CNOT4: variants seen among roughly 807,000 people sequenced by gnomAD.
The protein encoded by CNOT4 is CCR4-associated factor 4.
CNOT4 carries 8 observed loss-of-function variants against 73.8 expected under a neutral mutation model. The observed-to-expected ratio is 0.11, with a 90% CI of 0.06 to 0.20. The LOEUF is 0.20. CNOT4 is among the 10% of genes least tolerant of loss of function. The probability of loss-of-function intolerance (pLI) is 1.00; values close to 1 mark genes in which losing one functional copy is unlikely to be tolerated. For synonymous variants in CNOT4, 293 were observed against 321.1 expected, an observed-to-expected ratio of 0.91 and a Z score of 0.94; for missense variants, 564 against 883.4, an observed-to-expected ratio of 0.64 and a Z score of 4.58.
chr7:135,395,621 T>C lies in CNOT4; in HGVS notation c.1129+13A>G. The C allele has an allele frequency of 1.2e-6, 2 of 1,610,570 alleles. No homozygotes were observed. Among genetic ancestry groups the C allele is most frequent in the Non-Finnish European group, 1.7e-6 (2 of 1,177,596 alleles). ...GAGCATAATTACTAATACTTGGTAC[T>C]ATTGTTATATACCTGATGTGAAGAG... On this transcript the variant is annotated intron_variant, in intron 9 of 11. Transcript: ENST00000541284.
At chr7:135,481,357 G>A (rs1802368471) in intron 1 of CNOT4, among the ~76,000 whole-genome samples, 1 of 151,788 alleles carries the variant, frequency 6.6e-6, no homozygotes, top group African/African-American at 2.4e-5. Flanking sequence ...TAATCATCAG[G>A]GAAATACAAT....
At chr7:135,440,850 C>T (rs1470960356) in intron 1 of CNOT4, among the ~76,000 whole-genome samples, 2 of 150,090 alleles carry the variant, frequency 1.3e-5, no homozygotes, top group South Asian at 2.1e-4. Context: ...ACCCAGGAGG[C>T]GGAGGTGGCA....
intron 1 of CNOT4, among the ~76,000 whole-genome samples, chr7:135,502,525 T>C (rs544795756): frequency 3.9e-5 from 6 of 152,296 alleles, no homozygotes; most frequent in African/African-American, 1.2e-4. Context: ...GTTTGAAAAA[T>C]TGATTAAGGC....
rs555324750 is a variant in CNOT4, at chr7:135,434,116, C to G, written c.174+4042G>C. Among the ~76,000 whole-genome samples, 33 of 152,330 alleles carry G rather than the reference C, an allele frequency of 2.2e-4. No homozygotes were observed. The East Asian group carries it at 6.0e-3, about 28-fold the overall frequency. ...CAGATCATCTCAATATGCCACCTCA[C>G]AGCATGGCCTCTGTAGACCCTGTGC... On this transcript the variant is annotated intron_variant, in intron 2 of 11. Transcript: ENST00000541284.
chr7:135,388,023 A>T (rs529753017), intron 10 of CNOT4: 2 of 985,346 alleles, frequency 2.0e-6, no homozygotes, highest in African/African-American at 3.5e-5. Context: ...CTTTTCACAT[A>T]CAATGTTTAC....
At chr7:135,445,673 A>C (rs1271036279) in intron 1 of CNOT4, among the ~76,000 whole-genome samples, 2 of 152,208 alleles carry the variant, frequency 1.3e-5, no homozygotes, top group Non-Finnish European at 2.9e-5. Flanking sequence ...TTTTCGCACA[A>C]TGGGAATCTC....
intron 1 of CNOT4, among the ~76,000 whole-genome samples, chr7:135,495,017 C>A (rs1285467885): frequency 1.3e-5 from 2 of 152,208 alleles, no homozygotes; most frequent in Non-Finnish European, 2.9e-5. Context: ...ATTACATCCT[C>A]ACAATAGATC....
At chr7:135,431,410 G>A (rs1312227853) in intron 2 of CNOT4, among the ~76,000 whole-genome samples, 2 of 152,184 alleles carry the variant, frequency 1.3e-5, no homozygotes, top group African/African-American at 4.8e-5. Context: ...ACATTCAAAA[G>A]TGGTACATTA....
chr7:135,375,892 T>G (rs1399014394), intron 10 of CNOT4, among the ~76,000 whole-genome samples: 1 of 152,060 alleles, frequency 6.6e-6, no homozygotes, highest in Non-Finnish European at 1.5e-5. Flanking sequence ...GCCATTGCAC[T>G]CCAACCCAGG....
intron 1 of CNOT4, among the ~76,000 whole-genome samples, chr7:135,440,589 T>A (rs1393930501): frequency 6.6e-6 from 1 of 152,088 alleles, no homozygotes; most frequent in African/African-American, 2.4e-5. Context: ...GACACCAACA[T>A]AGCCAAGTGT....
intron 1 of CNOT4, among the ~76,000 whole-genome samples, chr7:135,472,884 C>T (rs114635904): frequency 6.6e-6 from 1 of 151,558 alleles, no homozygotes; most frequent in East Asian, 1.9e-4. Context: ...TATAAAAAAA[C>T]CAAAAGATTA....
At chr7:135,487,436 CCG>C (rs1802801836) in intron 1 of CNOT4, among the ~76,000 whole-genome samples, 1 of 151,750 alleles carries the variant, frequency 6.6e-6, no homozygotes, top group Non-Finnish European at 1.5e-5. Context: ...GATGCAGTAT[CCG>C]TATGTTTCCC....
intron 2 of CNOT4, among the ~76,000 whole-genome samples, chr7:135,431,869 T>G (rs1281083799): frequency 6.6e-6 from 1 of 152,128 alleles, no homozygotes; most frequent in Non-Finnish European, 1.5e-5. Context: ...TTTTAAAACA[T>G]GTAAAGATAT....
chr7:135,488,330 G>A (rs1206256050), intron 1 of CNOT4, among the ~76,000 whole-genome samples: 1 of 152,112 alleles, frequency 6.6e-6, no homozygotes, highest in Non-Finnish European at 1.5e-5. Context: ...TCAGCCTCCT[G>A]AGGCAAGACA....
At chr7:135,365,369 A>C (rs552257732) in intron 10 of CNOT4, among the ~76,000 whole-genome samples, 1 of 152,166 alleles carries the variant, frequency 6.6e-6, no homozygotes, top group South Asian at 2.1e-4. Flanking sequence ...TTCATAATTG[A>C]TGTAATTTAC....
In CNOT4 at chr7:135,488,264, C is replaced by T. The variant is rs1055480479; in HGVS notation, c.-93+21625G>A. ...GCAACCTTCACCTCCCAGGTTCAAG[C>T]GATTCTCTTGCCTCAGCCTCCTGAG... is the stretch of plus-strand genomic sequence containing the variant. On this transcript the variant is annotated intron_variant, in intron 1 of 11. Coordinates refer to ENST00000541284, the MANE Select transcript of CNOT4 (RefSeq NM_001190850.2). Among the ~76,000 whole-genome samples, 4 of 152,254 alleles carry T rather than the reference C, an allele frequency of 2.6e-5. No individual in the cohort carries two copies. In the South Asian group the frequency reaches 6.2e-4, roughly 24 times the overall value.
intron 1 of CNOT4, among the ~76,000 whole-genome samples, chr7:135,452,183 G>A (rs1800213124): frequency 6.6e-6 from 1 of 152,200 alleles, no homozygotes; most frequent in African/African-American, 2.4e-5. Context: ...AGGCTGCAGT[G>A]AGCTATGATC....
chr7:135,387,996 T>C, intron 10 of CNOT4: 2 of 984,048 alleles, frequency 2.0e-6, no homozygotes, highest in Non-Finnish European at 1.2e-6. Flanking sequence ...AGTAACAATG[T>C]TACACTACTA....
intron 1 of CNOT4, among the ~76,000 whole-genome samples, chr7:135,461,635 C>G (rs1800881604): frequency 1.3e-5 from 2 of 152,058 alleles, no homozygotes; most frequent in South Asian, 4.1e-4. Context: ...AGTTCAAGAC[C>G]AGCCTGGCCA....
Sources: allele counts gnomAD v4.1 joint callset (sites outside exome capture counted in the v4.1 genomes callset), GRCh38; gene constraint gnomAD v4.1.1; transcripts MANE v1.5; gene names NCBI Gene and HGNC (gene_info 2026-07-23, HGNC 2026-07-21).